MATN2: variants seen among roughly 807,000 people sequenced by gnomAD.
The protein encoded by MATN2 is matrilin 2.
Under a neutral mutation model 103.2 loss-of-function variants are expected in MATN2, and 69 were observed. That is an observed-to-expected ratio of 0.67 (90% CI 0.55 to 0.82). MATN2 has a LOEUF of 0.82. Among genes scored for constraint, MATN2 ranks in the 40% least tolerant of loss-of-function variants. The pLI, the probability that MATN2 is intolerant of heterozygous loss-of-function variation, is 0.00. For synonymous variants in MATN2, 429 were observed against 450.2 expected, an observed-to-expected ratio of 0.95 and a Z score of 0.60; for missense variants, 1,023 against 1,211.5, an observed-to-expected ratio of 0.84 and a Z score of 2.31.
intron 8 of MATN2, among the ~76,000 whole-genome samples, chr8:98,006,420 T>C (rs562789349): frequency 6.6e-6 from 1 of 152,308 alleles, no homozygotes; most frequent in South Asian, 2.1e-4. Flanking sequence ...CCCCTCTTAT[T>C]CTCACCCTAT....
At chr8:97,916,370 T>G (rs1340006443) in intron 2 of MATN2, among the ~76,000 whole-genome samples, 1 of 152,190 alleles carries the variant, frequency 6.6e-6, no homozygotes, top group Non-Finnish European at 1.5e-5. Context: ...GTGCCTGACC[T>G]GACTATTGTT....
intron 15 of MATN2, 127 bp from the exon 16 acceptor site, chr8:98,032,119 C>T: frequency 4.4e-6 from 3 of 684,842 alleles, no homozygotes; most frequent in South Asian, 1.9e-5. Context: ...TTGGTGTTAC[C>T]AAACAAAACT....
At chr8:97,980,558 C>CTTTTTTTTTT (rs71570278) in intron 6 of MATN2, among the ~76,000 whole-genome samples, 2 of 94,094 alleles carry the variant, frequency 2.1e-5, no homozygotes, top group East Asian at 3.2e-4. Context: ...TTATTCTTTC[C>CTTTTTTTTTT]TTTTTTTTTT....
Position 98,033,891 on chromosome 8 carries a change from G to T in MATN2, c.2815+232G>T, listed in dbSNP as rs1374751960. The T allele has an allele frequency of 1.1e-5, 6 of 527,378 alleles. No individual in the cohort carries two copies. In the East Asian group the frequency reaches 1.9e-4, roughly 17 times the overall value. 32.7% of individuals were successfully genotyped at this position (527,378 alleles called of 1,614,324 possible). ...CACTTAGTTGCCATCGGCTGTTCTC[G>T]GGGGCTTAGCAATAAGGCCTGTCAG... is the stretch of plus-strand genomic sequence containing the variant. On this transcript the variant is annotated intron_variant, in intron 18 of 18. Transcript: ENST00000254898.
At chr8:97,904,862 G>T (rs146122389) in intron 2 of MATN2, among the ~76,000 whole-genome samples, 73 of 152,218 alleles carry the variant, frequency 4.8e-4, no homozygotes, top group African/African-American at 1.6e-3. Context: ...GACTTCAGTG[G>T]CTCCATAATT....
At position 97,982,340 on chromosome 8, in the gene MATN2, G is replaced by A. The variant is rs370905771; in HGVS notation, c.1081+3332G>A. 2.1e-5 allele frequency among the ~76,000 whole-genome samples: 3 copies of A among 143,856 alleles called. No homozygotes were observed. The highest frequency in any genetic ancestry group is 3.0e-5 in the African/African-American group (1 of 33,856). The allele number at this position is 143,856 out of a possible 152,430, so 94.4% of individuals were successfully genotyped here. On this transcript the variant is annotated intron_variant, in intron 6 of 18. Coordinates refer to ENST00000254898, the MANE Select transcript of MATN2 (RefSeq NM_002380.5). The surrounding 1 kb of genome is among the most constrained non-coding windows in gnomAD (Gnocchi z 4.3). ...AGGATAGAGGCAGAAGCTCAGAACCGAAGCAGCCACCCTGTTTTAGTGAGT... is the reference window on the plus strand; with the variant it reads ...AGGATAGAGGCAGAAGCTCAGAACCAAAGCAGCCACCCTGTTTTAGTGAGT...
chr8:97,912,608 G>C (rs1387943665), intron 2 of MATN2, among the ~76,000 whole-genome samples: 1 of 152,184 alleles, frequency 6.6e-6, no homozygotes, highest in Non-Finnish European at 1.5e-5. Context: ...CTGTGTCTAG[G>C]GGAGTCTCTG....
chr8:98,013,992 C>T (rs921952302), intron 10 of MATN2, among the ~76,000 whole-genome samples: 2 of 152,070 alleles, frequency 1.3e-5, no homozygotes, highest in African/African-American at 2.4e-5. Flanking sequence ...ACCTGTAGTC[C>T]CAGCTACTCA....
At chr8:97,974,806 G>A (rs1402672622) in intron 5 of MATN2, among the ~76,000 whole-genome samples, 2 of 152,300 alleles carry the variant, frequency 1.3e-5, no homozygotes, top group African/African-American at 4.8e-5. Context: ...ACACATACAG[G>A]TTTGGAAACA....
intron 3 of MATN2, among the ~76,000 whole-genome samples, chr8:97,934,810 A>G (rs866005000): frequency 7.9e-5 from 12 of 152,238 alleles, no homozygotes; most frequent in South Asian, 2.1e-4. Context: ...AACACTTTAC[A>G]TAAGATAAGG....
At position 97,941,763 on chromosome 8, in the gene MATN2, G is replaced by C. The variant is rs747157645; in HGVS notation, c.713-14G>C. On this transcript the variant is annotated splice_polypyrimidine_tract_variant and intron_variant, in intron 3 of 18. Transcript: ENST00000254898. Reference sequence around the variant, plus strand: ...CATCACTGTTGACTTACCTTCCTGTGTCTTCCCTTTCAGCGGCCCATATGT... The same window carrying C: ...CATCACTGTTGACTTACCTTCCTGTCTCTTCCCTTTCAGCGGCCCATATGT... 4.5e-6 allele frequency: 7 copies of C among 1,572,682 alleles called. No homozygotes were observed. In the South Asian group the frequency reaches 8.1e-5, roughly 18 times the overall value.
intron 10 of MATN2, among the ~76,000 whole-genome samples, chr8:98,014,427 G>A (rs1813289277): frequency 6.6e-6 from 1 of 152,144 alleles, no homozygotes; most frequent in African/African-American, 2.4e-5. Context: ...TTAATAGTGA[G>A]TCTAGAATTT....
At chr8:97,981,851 A>G (rs913978573) in intron 6 of MATN2, among the ~76,000 whole-genome samples, 3 of 152,124 alleles carry the variant, frequency 2.0e-5, no homozygotes, top group African/African-American at 7.2e-5. Flanking sequence ...GGTGCAGGCA[A>G]GGAGGGTGTT....
chr8:97,875,861 A>T (rs1288106328), intron 1 of MATN2, among the ~76,000 whole-genome samples: 1 of 150,762 alleles, frequency 6.6e-6, no homozygotes, highest in East Asian at 2.0e-4. Flanking sequence ...CTGACCAGAT[A>T]ATTTTTTGTA....
chr8:97,972,609 C>T (rs906818403), intron 5 of MATN2, among the ~76,000 whole-genome samples: 4 of 152,208 alleles, frequency 2.6e-5, no homozygotes, highest in East Asian at 1.9e-4. Context: ...CCCTTGCAGA[C>T]GGAGTCCTGC....
chr8:97,945,717 A>AAAAAAAAATATAT (rs59472539), intron 4 of MATN2, among the ~76,000 whole-genome samples: 3 of 121,832 alleles, frequency 2.5e-5, no homozygotes, highest in Admixed American at 9.1e-5. Flanking sequence ...AAAAAAAAAA[A>AAAAAAAAATATAT]ATATATATAT....
chr8:97,920,454 C>T (rs1241362139), intron 2 of MATN2, among the ~76,000 whole-genome samples: 3 of 152,166 alleles, frequency 2.0e-5, no homozygotes, highest in Non-Finnish European at 2.9e-5. Flanking sequence ...ATGATCTGCC[C>T]ACCTCAGCCT....
intron 2 of MATN2, among the ~76,000 whole-genome samples, chr8:97,908,489 A>G (rs538248426): frequency 3.3e-5 from 5 of 152,260 alleles, no homozygotes; most frequent in Non-Finnish European, 4.4e-5. Context: ...GGCCTAAAAC[A>G]TCTGGTGGAG....
At chr8:97,998,492 A>C (rs1298538658) in intron 7 of MATN2, among the ~76,000 whole-genome samples, 4 of 145,432 alleles carry the variant, frequency 2.8e-5, no homozygotes, top group Non-Finnish European at 4.5e-5. Context: ...ACTGCACTCC[A>C]GCCTGGGCGA....
Sources: allele counts gnomAD v4.1 joint callset (sites outside exome capture counted in the v4.1 genomes callset), GRCh38; gene constraint gnomAD v4.1.1; non-coding constraint Gnocchi (gnomAD v3.1); transcripts MANE v1.5; gene names NCBI Gene and HGNC (gene_info 2026-07-23, HGNC 2026-07-21).